Variants in HMGXB4 observed in about 807,000 individuals in gnomAD.
The protein encoded by HMGXB4 is HMG domain-containing protein 4.
HMGXB4 carries 27 observed loss-of-function variants against 63.9 expected under a neutral mutation model. The ratio of observed to expected loss-of-function variants is 0.42; its 90% confidence interval spans 0.31 to 0.58. The LOEUF (loss-of-function observed/expected upper bound fraction) is 0.58. HMGXB4 is among the 20% of genes least tolerant of loss of function. HMGXB4 has a pLI of 0.13. For synonymous variants in HMGXB4, 264 were observed against 265.3 expected (o/e 0.99, Z 0.05); for missense variants, 624 against 700.7 (o/e 0.89, Z 1.24).
the HMGXB4 span, among the ~76,000 whole-genome samples, chr22:35,246,552 C>T: frequency 1.8e-4 from 28 of 152,310 alleles, no homozygotes; most frequent in East Asian, 5.2e-3. Flanking sequence ...GGATTACAGG[C>T]GTGAGCCACC....
intron 5 of HMGXB4, among the ~76,000 whole-genome samples, 166 bp from the exon 6 acceptor site, chr22:35,283,794 AAT>A (rs60002253): frequency 2.7e-5 from 4 of 150,132 alleles, no homozygotes; most frequent in Admixed American, 6.6e-5. Flanking sequence ...TATCTCAAAA[AAT>A]ATATATATAT....
chr22:35,252,154 G>A, the HMGXB4 span, among the ~76,000 whole-genome samples: 1 of 152,208 alleles, frequency 6.6e-6, no homozygotes, highest in Admixed American at 6.5e-5. Context: ...GGTGGAGGCT[G>A]CAGTAAGCTG....
At chr22:35,246,089 G>A in the HMGXB4 span, among the ~76,000 whole-genome samples, 3 of 152,096 alleles carry the variant, frequency 2.0e-5, no homozygotes. Context: ...CTATGCAAGG[G>A]GACGAAAGCC....
chr22:35,293,683 C>G lies in HMGXB4; in HGVS notation c.*32C>G. ...AGAATCCTGGGACAGAAACCTTATC[C>G]TACACCATTGCTGGTTTGTGTATAT... On this transcript the variant is annotated 3_prime_UTR_variant, in exon 11 of 11. Transcript: ENST00000216106. 1 of 1,548,180 alleles carries G rather than the reference C, an allele frequency of 6.5e-7. No homozygotes were observed.
rs189171815 is a variant in HMGXB4, at chr22:35,263,348, A to G, written c.180+122A>G. On this transcript the variant is annotated intron_variant, in intron 3 of 10. Transcript: ENST00000216106. ...GCCCAGGCTTGAATGCAATGGCACA[A>G]TCTCTGCTCACTGCAACCTTCGACT... 892 of 754,874 alleles carry G rather than the reference A, an allele frequency of 1.2e-3. 3 individuals carry two copies. The highest frequency in any genetic ancestry group is 2.3e-3 in the Middle Eastern group (6 of 2,556). The allele number at this position is 754,874 out of a possible 1,614,324, so 46.8% of individuals were successfully genotyped here.
In HMGXB4 at chr22:35,292,880, G is replaced by A. The variant is rs59792980; in HGVS notation, c.1639-112G>A. The A allele has an allele frequency of 1.2e-3, 1,501 of 1,298,102 alleles. 17 individuals carry two copies. The African/African-American group carries it at 0.019, about 16-fold the overall frequency. 80.4% of individuals were successfully genotyped at this position (1,298,102 alleles called of 1,614,324 possible). ...GTAAACTTTCCATTTCTGCTGTAAA[G>A]TTTCAAATTATAAGAGTAGAACTGC... is the stretch of plus-strand genomic sequence containing the variant. On this transcript the variant is annotated intron_variant, in intron 9 of 10. Coordinates refer to ENST00000216106, the MANE Select transcript of HMGXB4 (RefSeq NM_001003681.3).
intron 3 of HMGXB4, 137 bp from the exon 4 acceptor site, chr22:35,263,659 A>C (rs1923010213): frequency 1.5e-6 from 1 of 651,794 alleles, no homozygotes; most frequent in South Asian, 1.9e-5. Flanking sequence ...GAAAAGAAAA[A>C]TAAAACGTTA....
chr22:35,265,848 G>A (rs1568997140), intron 5 of HMGXB4, among the ~76,000 whole-genome samples: 3 of 150,122 alleles, frequency 2.0e-5, no homozygotes, highest in African/African-American at 7.4e-5. Flanking sequence ...GTGCAGTGGT[G>A]CAGTCTGGGC....
intron 4 of HMGXB4, among the ~76,000 whole-genome samples, chr22:35,264,298 T>C (rs1370908423): frequency 1.3e-5 from 2 of 152,230 alleles, no homozygotes; most frequent in Non-Finnish European, 2.9e-5. Flanking sequence ...GGGTTTGTCC[T>C]GAACACAGAA....
chr22:35,256,407 T>C (rs1420529121), upstream of HMGXB4, among the ~76,000 whole-genome samples: 2 of 152,208 alleles, frequency 1.3e-5, no homozygotes, highest in African/African-American at 4.8e-5. Flanking sequence ...CACCAGCTTC[T>C]GCTTGAGCGC....
chr22:35,245,137 G>A, the HMGXB4 span, among the ~76,000 whole-genome samples: 1 of 152,080 alleles, frequency 6.6e-6, no homozygotes, highest in Non-Finnish European at 1.5e-5. Flanking sequence ...CTCCCAAAAT[G>A]CGGGGACTAC....
chr22:35,288,455 C>A, intron 9 of HMGXB4, 48 bp downstream of exon 9: 1 of 1,433,658 alleles, frequency 7.0e-7, no homozygotes, highest in Non-Finnish European at 9.3e-7. Context: ...ATATAGTTTC[C>A]CATATAATTT....
chr22:35,244,946 G>T, the HMGXB4 span, among the ~76,000 whole-genome samples: 4 of 152,148 alleles, frequency 2.6e-5, no homozygotes, highest in Non-Finnish European at 5.9e-5. Context: ...TTTCTTTACA[G>T]CACTGGGGAA....
rs202011138 is a variant in HMGXB4, at chr22:35,263,269, A to AT, written c.180+52dup. On this transcript the variant is annotated intron_variant, in intron 3 of 10. Coordinates refer to ENST00000216106, the MANE Select transcript of HMGXB4 (RefSeq NM_001003681.3). ...AAATTAGGAAAGTCTTAAACTACTC[A>AT]TTTTTTTTTGGTGATGCAGAGTTTT... is the stretch of plus-strand genomic sequence containing the variant. 4.4e-3 allele frequency: 5,831 copies of AT among 1,340,394 alleles called. 13 individuals are homozygous for AT. The highest frequency in any genetic ancestry group is 0.021 in the African/African-American group (1,354 of 64,784). The allele number at this position is 1,340,394 out of a possible 1,614,324, so 83.0% of individuals were successfully genotyped here.
At chr22:35,251,202 GT>G in the HMGXB4 span, among the ~76,000 whole-genome samples, 1 of 151,656 alleles carries the variant, frequency 6.6e-6, no homozygotes, top group Non-Finnish European at 1.5e-5. Flanking sequence ...AGCCTCCCGA[GT>G]AGCTGGGACT....
rs1925135026 is a variant in HMGXB4 at position 35,294,505 on chromosome 22, C to T, written c.*854C>T. The T allele has an allele frequency of 6.6e-6, 1 of 152,558 alleles. No individual in the cohort carries two copies. The highest frequency in any genetic ancestry group is 6.6e-5 in the Admixed American group (1 of 15,264). 9.5% of individuals were successfully genotyped at this position (152,558 alleles called of 1,614,324 possible). ...TAGTTGCTCGGTGGTTATGGATAAA[C>T]TTTGCCCAGCATGATTTTTGGGTTC... On this transcript the variant is annotated 3_prime_UTR_variant, in exon 11 of 11. Coordinates refer to ENST00000216106, the MANE Select transcript of HMGXB4 (RefSeq NM_001003681.3).
At chr22:35,292,750 C>T (rs1422976038) in intron 9 of HMGXB4, among the ~76,000 whole-genome samples, 1 of 152,158 alleles carries the variant, frequency 6.6e-6, no homozygotes, top group African/African-American at 2.4e-5. Flanking sequence ...ATGTGAACTC[C>T]CCAAGGTCAC....
At chr22:35,255,428 T>C (rs1263286516), upstream of HMGXB4, among the ~76,000 whole-genome samples, 1 of 152,100 alleles carries the variant, frequency 6.6e-6, no homozygotes. Flanking sequence ...GGTGGGAGGA[T>C]TGCTTGAACT....
At chr22:35,289,778 A>G (rs947682305) in intron 9 of HMGXB4, among the ~76,000 whole-genome samples, 3 of 152,160 alleles carry the variant, frequency 2.0e-5, no homozygotes, top group Non-Finnish European at 4.4e-5. Context: ...TTTCATTTCT[A>G]TTACCATATT....
Sources: gnomAD v4.1 joint callset for allele counts (sites outside exome capture counted in the v4.1 genomes callset) on GRCh38, gnomAD v4.1.1 for gene constraint, MANE v1.5 for transcripts, NCBI Gene and HGNC (gene_info 2026-07-23, HGNC 2026-07-21) for gene names.